The following ACCSL variants were observed in gnomAD, a reference collection of about 807,000 sequenced individuals.
The protein encoded by ACCSL is 1-aminocyclopropane-1-carboxylate synthase homolog (inactive) like, also known as probable inactive 1-aminocyclopropane-1-carboxylate synthase-like protein 2.
In ACCSL, 55 loss-of-function variants were observed where a neutral mutation model predicts 61.7. The observed-to-expected ratio is 0.89, with a 90% CI of 0.72 to 1.12. The LOEUF is 1.12. Among genes scored for constraint, ACCSL ranks in the 50% most tolerant of loss-of-function variants. The pLI is 0.00. For missense variants in ACCSL, 632 were observed against 698.0 expected (o/e 0.91, Z 1.07); for synonymous variants, 258 against 264.3 (o/e 0.98, Z 0.23).
At chr11:43,934,467 C>A in the ACCSL span, among the ~76,000 whole-genome samples, 1 of 152,084 alleles carries the variant, frequency 6.6e-6, no homozygotes. Context: ...TTGCATTCCA[C>A]ACACACACGC....
chr11:44,041,246 C>T, the ACCSL span, among the ~76,000 whole-genome samples: 10 of 152,112 alleles, frequency 6.6e-5, no homozygotes, highest in Non-Finnish European at 7.4e-5. Flanking sequence ...TGTCCTTAAC[C>T]GTGTCATCTG....
the ACCSL span, among the ~76,000 whole-genome samples, chr11:43,952,286 C>T: frequency 7.9e-5 from 12 of 152,192 alleles, no homozygotes; most frequent in African/African-American, 2.9e-4. Context: ...CATGTGTACT[C>T]AATGTTTAGT....
the ACCSL span, among the ~76,000 whole-genome samples, chr11:43,994,729 C>G: frequency 6.6e-6 from 1 of 152,040 alleles, no homozygotes; most frequent in Non-Finnish European, 1.5e-5. Context: ...ACTTCCCAGG[C>G]TCAAGCAATC....
At chr11:43,978,003 CTT>C in the ACCSL span, among the ~76,000 whole-genome samples, 33 of 97,656 alleles carry the variant, frequency 3.4e-4, no homozygotes, top group Admixed American at 2.0e-3. Context: ...CTAGGAAGCT[CTT>C]TTTTTTTTTT....
At chr11:43,996,986 T>A in the ACCSL span, among the ~76,000 whole-genome samples, 1 of 152,004 alleles carries the variant, frequency 6.6e-6, no homozygotes, top group African/African-American at 2.4e-5. Context: ...CTAATTTTTT[T>A]ATTTTTAGTA....
chr11:44,052,762 C>G lies in ACCSL; in HGVS notation c.870+3C>G, dbSNP rs193251654. 53 of 1,613,660 alleles carry G rather than the reference C, an allele frequency of 3.3e-5. No individual in the cohort carries two copies. Among genetic ancestry groups the G allele is most frequent in the Non-Finnish European group, 3.6e-5 (43 of 1,179,668 alleles). On this transcript the variant is annotated splice_donor_region_variant and intron_variant, in intron 6 of 13. Transcript: ENST00000378832. ...TTCCTGTCCACCTGGAGAGTGAGGT[C>G]TGAATGGGGCCCCTTCCCTGCTCAG...
At chr11:44,016,084 C>T in the ACCSL span, among the ~76,000 whole-genome samples, 1 of 152,156 alleles carries the variant, frequency 6.6e-6, no homozygotes, top group Admixed American at 6.5e-5. Flanking sequence ...TCCCTAAACA[C>T]TTCTTCCAAC....
At chr11:43,947,717 T>C in the ACCSL span, among the ~76,000 whole-genome samples, 1 of 140,854 alleles carries the variant, frequency 7.1e-6, no homozygotes, top group African/African-American at 2.7e-5. Flanking sequence ...CCCTGGGAGA[T>C]GGAGAGACAC....
At chr11:43,961,070 C>G in the ACCSL span, among the ~76,000 whole-genome samples, 1 of 152,224 alleles carries the variant, frequency 6.6e-6, no homozygotes, top group Non-Finnish European at 1.5e-5. Context: ...ATCCTCCCGC[C>G]TCGGCCTTCC....
chr11:43,936,862 G>A, the ACCSL span, among the ~76,000 whole-genome samples: 1 of 152,042 alleles, frequency 6.6e-6, no homozygotes, highest in African/African-American at 2.4e-5. Flanking sequence ...GGTCCTCCAT[G>A]GGAGGTTCAA....
chr11:44,013,529 G>A, the ACCSL span, among the ~76,000 whole-genome samples: 2 of 152,340 alleles, frequency 1.3e-5, no homozygotes, highest in South Asian at 2.1e-4. Context: ...CTGACCTCAG[G>A]TGATCCACCC....
chr11:44,053,153 C>A, intron 7 of ACCSL, 85 bp downstream of exon 7: 2 of 1,257,306 alleles, frequency 1.6e-6, no homozygotes, highest in Non-Finnish European at 2.3e-6. Flanking sequence ...TGCTTATTCA[C>A]CAAGACCTGG....
At chr11:44,002,564 G>T in the ACCSL span, among the ~76,000 whole-genome samples, 1 of 152,134 alleles carries the variant, frequency 6.6e-6, no homozygotes, top group Admixed American at 6.6e-5. Context: ...TTCCCCAAGA[G>T]ACCTGGCTTT....
upstream of ACCSL, among the ~76,000 whole-genome samples, chr11:44,043,689 T>C (rs1048535861): frequency 3.9e-5 from 6 of 152,190 alleles, no homozygotes; most frequent in African/African-American, 1.4e-4. Flanking sequence ...TACATCTGTG[T>C]GTGTATTAGA....
chr11:43,969,724 G>C, the ACCSL span, among the ~76,000 whole-genome samples: 2 of 152,000 alleles, frequency 1.3e-5, no homozygotes, highest in Non-Finnish European at 2.9e-5. Context: ...CACTTCCCTG[G>C]TGCTGGTCCC....
chr11:43,954,456 A>G, the ACCSL span, among the ~76,000 whole-genome samples: 8 of 152,320 alleles, frequency 5.3e-5, no homozygotes, highest in East Asian at 5.8e-4. Context: ...TATAAGGCAC[A>G]AAAGATTGGT....
chr11:43,954,595 T>G, the ACCSL span, among the ~76,000 whole-genome samples: 3 of 151,944 alleles, frequency 2.0e-5, no homozygotes, highest in South Asian at 4.2e-4. Flanking sequence ...TTTCTTTTTT[T>G]TTTTTTGAGG....
chr11:43,969,591 T>C, the ACCSL span, among the ~76,000 whole-genome samples: 2 of 152,044 alleles, frequency 1.3e-5, no homozygotes, highest in East Asian at 1.9e-4. Context: ...TCCTTCCTTT[T>C]TCCCTGTGGT....
chr11:44,005,507 T>C, the ACCSL span, among the ~76,000 whole-genome samples: 1 of 151,994 alleles, frequency 6.6e-6, no homozygotes, highest in African/African-American at 2.4e-5. Context: ...TCTCTCACAG[T>C]GAGGCAGCGC....
Sources: allele counts gnomAD v4.1 joint callset (sites outside exome capture counted in the v4.1 genomes callset), GRCh38; gene constraint gnomAD v4.1.1; transcripts MANE v1.5; gene names NCBI Gene and HGNC (gene_info 2026-07-23, HGNC 2026-07-21).